The following FBXL20 variants were observed in gnomAD, a reference collection of about 807,000 sequenced individuals.
The protein encoded by FBXL20 is F-box/LRR-repeat protein 20.
A neutral mutation model predicts 64.0 loss-of-function variants in FBXL20; 11 were observed. The ratio of observed to expected loss-of-function variants is 0.17; its 90% confidence interval spans 0.11 to 0.28. FBXL20 has a LOEUF of 0.28. Ranked by LOEUF, FBXL20 falls within the 10% of genes least tolerant of loss-of-function variation. The pLI is 1.00. For missense variants in FBXL20, 303 were observed against 526.2 expected (o/e 0.58, Z 4.15); for synonymous variants, 184 against 189.0 (o/e 0.97, Z 0.22).
intron 1 of FBXL20, among the ~76,000 whole-genome samples, chr17:39,375,265 C>A (rs1007993563): frequency 6.6e-6 from 1 of 151,992 alleles, no homozygotes; most frequent in Non-Finnish European, 1.5e-5. Context: ...AATACATTTA[C>A]TTTTGTATAA....
chr17:39,382,002 A>G (rs1046651896), intron 1 of FBXL20, among the ~76,000 whole-genome samples: 6 of 149,990 alleles, frequency 4.0e-5, no homozygotes, highest in African/African-American at 1.5e-4. Flanking sequence ...GCTGAGCAGG[A>G]GAATCACTTG....
chr17:39,326,608 C>G (rs1000002468), intron 2 of FBXL20, among the ~76,000 whole-genome samples: 8 of 151,396 alleles, frequency 5.3e-5, no homozygotes, highest in Non-Finnish European at 1.2e-4. Context: ...CGTGACAGAG[C>G]AAGACCCTAT....
In FBXL20 at chr17:39,396,969, A is replaced by AAC. The variant is rs1555616385; in HGVS notation, c.42+4391_42+4392insGT. Among the ~76,000 whole-genome samples, 219 of 149,552 alleles carry AAC rather than the reference A, an allele frequency of 1.5e-3. 1 individual carries two copies. The highest frequency in any genetic ancestry group is 6.9e-3 in the Middle Eastern group (2 of 290). On this transcript the variant is annotated intron_variant, in intron 1 of 14. Transcript: ENST00000264658. ...AAGACTCCGGCTCAAAAAAAAAAAA[A>AAC]AAAAAAATCCAGGTCTCTCCACTCA...
At chr17:39,322,756 AAAC>A (rs1335537176) in intron 2 of FBXL20, among the ~76,000 whole-genome samples, 1 of 152,168 alleles carries the variant, frequency 6.6e-6, no homozygotes, top group Admixed American at 6.6e-5. Flanking sequence ...TAAAAAAAAC[AAAC>A]AACAAAACTC....
intron 1 of FBXL20, among the ~76,000 whole-genome samples, chr17:39,396,216 T>C (rs185660375): frequency 5.9e-5 from 9 of 151,870 alleles, no homozygotes; most frequent in African/African-American, 1.7e-4. Context: ...CACAGATGCA[T>C]AGGATTCTAG....
intron 1 of FBXL20, among the ~76,000 whole-genome samples, chr17:39,383,249 A>G (rs940664121): frequency 2.6e-5 from 4 of 152,098 alleles, no homozygotes; most frequent in African/African-American, 9.7e-5. Context: ...ACAGACCTCT[A>G]AAAAACATAA....
chr17:39,367,015 TG>T (rs1175958166), intron 1 of FBXL20, among the ~76,000 whole-genome samples: 1 of 151,680 alleles, frequency 6.6e-6, no homozygotes, highest in Admixed American at 6.6e-5. Context: ...CCCAAGTAGC[TG>T]GGACTACAGG....
At position 39,264,656 on chromosome 17, in the gene FBXL20, C is replaced by T. The variant is rs542117104; in HGVS notation, c.991-269G>A. On this transcript the variant is annotated intron_variant, in intron 13 of 14. Transcript: ENST00000264658. ...GTAGTTCATAAACAAAATAAGACAG[C>T]CTTAAAAATTACCCCTTCCTCAAAT... 2.6e-5 allele frequency among the ~76,000 whole-genome samples: 4 copies of T among 152,274 alleles called. No individual in the cohort carries two copies. In the South Asian group the frequency reaches 8.3e-4, roughly 32 times the overall value.
At chr17:39,319,040 G>A (rs1055539233) in intron 2 of FBXL20, among the ~76,000 whole-genome samples, 2 of 151,996 alleles carry the variant, frequency 1.3e-5, no homozygotes, top group South Asian at 2.1e-4. Flanking sequence ...CACGTGGTCA[G>A]GAGATTGAGA....
At chr17:39,263,395 A>G (rs947381018) in intron 14 of FBXL20, among the ~76,000 whole-genome samples, 2 of 152,120 alleles carry the variant, frequency 1.3e-5, no homozygotes, top group African/African-American at 4.8e-5. Flanking sequence ...ACACGCCTGT[A>G]GTCTCAGCTG....
intron 1 of FBXL20, among the ~76,000 whole-genome samples, chr17:39,355,507 A>C (rs907651895): frequency 2.0e-5 from 3 of 152,088 alleles, no homozygotes; most frequent in Non-Finnish European, 4.4e-5. Flanking sequence ...TACTGTTTTT[A>C]ATTTTGATAA....
At chr17:39,380,759 C>T (rs1255414693) in intron 1 of FBXL20, among the ~76,000 whole-genome samples, 1 of 152,068 alleles carries the variant, frequency 6.6e-6, no homozygotes, top group Non-Finnish European at 1.5e-5. Context: ...TATAAGAACA[C>T]CAGGATGTAA....
chr17:39,257,604 C>T lies in FBXL20; in HGVS notation c.*3856G>A, dbSNP rs897547563. On this transcript the variant is annotated 3_prime_UTR_variant, in exon 15 of 15. Coordinates refer to ENST00000264658, the MANE Select transcript of FBXL20 (RefSeq NM_032875.3). ...AGGGCTAAGGCCATATCCCTTTCTT[C>T]CTCATATCCAACAGTTTGCTTTTAA... 6.6e-6 allele frequency: 1 copy of T among 152,270 alleles called. No individual in the cohort carries two copies. The highest frequency in any genetic ancestry group is 2.1e-4 in the South Asian group (1 of 4,836). 9.4% of individuals were successfully genotyped at this position (152,270 alleles called of 1,614,324 possible).
chr17:39,384,620 TATG>T (rs1330595524), intron 1 of FBXL20, among the ~76,000 whole-genome samples: 1 of 152,084 alleles, frequency 6.6e-6, no homozygotes. Flanking sequence ...TGCTAAACTA[TATG>T]TCCAGTATAA....
intron 2 of FBXL20, among the ~76,000 whole-genome samples, chr17:39,335,561 C>T (rs941865371): frequency 3.6e-5 from 4 of 112,044 alleles, no homozygotes; most frequent in African/African-American, 1.5e-4. Context: ...CCAGCCTGGG[C>T]AACAGAGTGA....
rs2046815296 is a variant in FBXL20 at position 39,268,877 on chromosome 17, A to G, written c.889-6T>C. 1 of 1,613,374 alleles carries G rather than the reference A, an allele frequency of 6.2e-7. No individual in the cohort carries two copies. The highest frequency in any genetic ancestry group is 8.5e-7 in the Non-Finnish European group (1 of 1,179,554). ...TTTTCAAGTTCATGGCAATTCTACA[A>G]AGTACAAAAACAAACACAAACATTA... On this transcript the variant is annotated splice_polypyrimidine_tract_variant and splice_region_variant and intron_variant, in intron 11 of 14. Transcript: ENST00000264658.
chr17:39,373,767 C>A (rs1278185739), intron 1 of FBXL20, among the ~76,000 whole-genome samples: 1 of 152,174 alleles, frequency 6.6e-6, no homozygotes, highest in Non-Finnish European at 1.5e-5. Context: ...AACATAGTGC[C>A]TTACACATGA....
At chr17:39,289,703 A>G (rs1423499223) in intron 6 of FBXL20, among the ~76,000 whole-genome samples, 3 of 150,622 alleles carry the variant, frequency 2.0e-5, no homozygotes, top group Admixed American at 6.6e-5. Context: ...TTCTAAATCT[A>G]TATGTATGAG....
chr17:39,357,828 C>T (rs1052540377), intron 1 of FBXL20, among the ~76,000 whole-genome samples: 7 of 152,198 alleles, frequency 4.6e-5, no homozygotes, highest in Admixed American at 2.0e-4. Context: ...GGTACCATAG[C>T]GTTTCATTTC....
Sources: allele counts gnomAD v4.1 joint callset (sites outside exome capture counted in the v4.1 genomes callset), GRCh38; gene constraint gnomAD v4.1.1; transcripts MANE v1.5; gene names NCBI Gene and HGNC (gene_info 2026-07-23, HGNC 2026-07-21).